LDB2: variants seen among roughly 807,000 people sequenced by gnomAD.
LDB2 encodes LIM domain-binding protein 2.
In LDB2, 12 loss-of-function variants were observed where a neutral mutation model predicts 44.3. The observed-to-expected ratio is 0.27, with a 90% CI of 0.17 to 0.44. The LOEUF (loss-of-function observed/expected upper bound fraction) is 0.44, where lower values mean the gene tolerates loss of function less well. Ranked by LOEUF, LDB2 falls within the 20% of genes least tolerant of loss-of-function variation. The pLI is 1.00. For synonymous variants in LDB2, 164 were observed against 174.8 expected (o/e 0.94, Z 0.49); for missense variants, 344 against 473.5 (o/e 0.73, Z 2.54).
rs114277256 is a variant in LDB2 at position 16,610,295 on chromosome 4, G to T, written c.236-14420C>A. Among the ~76,000 whole-genome samples the T allele has an allele frequency of 3.2e-3, 494 of 152,140 alleles. 7 individuals carry two copies. The highest frequency in any genetic ancestry group is 0.011 in the African/African-American group (477 of 41,488). ...AATGCTGAAAACCCAAAAGGCCAGAGTGCCTCGTCTCCTCCAAATGATCGC... is the reference window on the plus strand; with the variant it reads ...AATGCTGAAAACCCAAAAGGCCAGATTGCCTCGTCTCCTCCAAATGATCGC... On this transcript the variant is annotated intron_variant, in intron 2 of 7. Coordinates refer to ENST00000304523, the MANE Select transcript of LDB2 (RefSeq NM_001290.5).
chr4:16,729,443 C>T (rs185189238), intron 2 of LDB2, among the ~76,000 whole-genome samples: 159 of 152,024 alleles, frequency 1.0e-3, no homozygotes, highest in African/African-American at 3.5e-3. Context: ...CTTTGAATGG[C>T]AACTGAAAAG....
At chr4:16,889,843 T>C (rs1334248615) in intron 1 of LDB2, among the ~76,000 whole-genome samples, 3 of 152,126 alleles carry the variant, frequency 2.0e-5, no homozygotes, top group African/African-American at 7.2e-5. Context: ...AGGCATGTGA[T>C]AGAAAGTGAT....
chr4:16,561,181 C>T (rs974606308), intron 5 of LDB2, among the ~76,000 whole-genome samples: 1 of 152,046 alleles, frequency 6.6e-6, no homozygotes, highest in African/African-American at 2.4e-5. Flanking sequence ...CCTCTCTCAC[C>T]ACTCCTATTC....
At chr4:16,773,576 G>C (rs554690425) in intron 1 of LDB2, among the ~76,000 whole-genome samples, 3 of 152,280 alleles carry the variant, frequency 2.0e-5, no homozygotes, top group East Asian at 3.9e-4. Flanking sequence ...TCTGACAGGA[G>C]GTGCAGCTCA....
intron 1 of LDB2, among the ~76,000 whole-genome samples, chr4:16,851,977 T>G (rs959455513): frequency 6.6e-6 from 1 of 152,214 alleles, no homozygotes; most frequent in African/African-American, 2.4e-5. Context: ...ACTCTGTTAG[T>G]ATTACTTTTA....
At chr4:16,506,640 C>T (rs764130767) in intron 7 of LDB2, 8 of 152,384 alleles carry the variant, frequency 5.2e-5, no homozygotes, top group Non-Finnish European at 1.2e-4. Flanking sequence ...CAAACCCAGA[C>T]TAGACCTTAG....
chr4:16,775,753 C>T (rs1771749467), intron 1 of LDB2, among the ~76,000 whole-genome samples: 1 of 152,146 alleles, frequency 6.6e-6, no homozygotes, highest in Non-Finnish European at 1.5e-5. Context: ...AATGAGACTG[C>T]AAACTCCTCA....
rs1262059589 is a variant in LDB2 at position 16,616,146 on chromosome 4, T to C, written c.236-20271A>G. On this transcript the variant is annotated intron_variant, in intron 2 of 7. Coordinates refer to ENST00000304523, the MANE Select transcript of LDB2 (RefSeq NM_001290.5). ...TGTATCAACCATTCCCCCACAAGAA[T>C]ACAAGCTCCAGAAAGGGAAGAACCA... 2.6e-5 allele frequency among the ~76,000 whole-genome samples: 4 copies of C among 152,172 alleles called. No homozygotes were observed. In the East Asian group the frequency reaches 5.8e-4, roughly 22 times the overall value.
Position 16,502,788 on chromosome 4 carries a change from G to T in LDB2, c.977C>A (p.Thr326Lys). 6.2e-7 allele frequency: 1 copy of T among 1,614,058 alleles called. No homozygotes were observed. Among genetic ancestry groups the T allele is most frequent in the Non-Finnish European group, 8.5e-7 (1 of 1,179,988 alleles). The change falls in exon 8 of 8, where the codon ACG becomes AAG. Residue 326 changes from threonine to lysine, a missense_variant. Thr to Lys is a moderately conservative substitution (Grantham distance 78). This residue lies in a region of LDB2 where 86 missense variants were observed against 171.2 expected (regional missense o/e 0.50). Transcript: ENST00000304523. Reference protein sequence around the residue: ...DERLITRLENTQYDAANGMDD... With the variant: ...DERLITRLENKQYDAANGMDD... ...CATGCCGTTGGCCGCATCATATTGC[G>T]TGTTTTCTAATCTAGTGATTAGCCT...
intron 5 of LDB2, among the ~76,000 whole-genome samples, chr4:16,517,834 C>G (rs1274745565): frequency 6.6e-6 from 1 of 152,062 alleles, no homozygotes; most frequent in African/African-American, 2.4e-5. Flanking sequence ...AACACTGACC[C>G]TTTGGTATGA....
intron 5 of LDB2, among the ~76,000 whole-genome samples, chr4:16,580,226 G>A (rs1425693730): frequency 6.6e-6 from 1 of 152,166 alleles, no homozygotes; most frequent in Non-Finnish European, 1.5e-5. Flanking sequence ...ATGGAATGAG[G>A]CTGGGAGGCA....
At chr4:16,739,688 G>A (rs56146945) in intron 2 of LDB2, among the ~76,000 whole-genome samples, 3 of 57,202 alleles carry the variant, frequency 5.2e-5, no homozygotes, top group South Asian at 4.5e-4. Flanking sequence ...GTGTATATAT[G>A]TATATATACA....
intron 5 of LDB2, among the ~76,000 whole-genome samples, chr4:16,514,339 G>T (rs565384760): frequency 2.0e-5 from 3 of 152,204 alleles, no homozygotes; most frequent in Admixed American, 1.3e-4. Flanking sequence ...GTATCCCTAT[G>T]CCCTCACATA....
At chr4:16,853,230 G>A (rs1788632900) in intron 1 of LDB2, among the ~76,000 whole-genome samples, 1 of 152,128 alleles carries the variant, frequency 6.6e-6, no homozygotes, top group African/African-American at 2.4e-5. Flanking sequence ...TGCAAAGCAT[G>A]TATCTCATAA....
intron 1 of LDB2, among the ~76,000 whole-genome samples, chr4:16,895,417 T>C (rs1361417077): frequency 6.6e-6 from 1 of 152,176 alleles, no homozygotes; most frequent in Non-Finnish European, 1.5e-5. Flanking sequence ...AGGAGGTTTC[T>C]AGGAAATTTC....
In LDB2 at chr4:16,751,002, A is replaced by C. The variant is rs766618669; in HGVS notation, c.235+8156T>G. On this transcript the variant is annotated intron_variant, in intron 2 of 7. Transcript: ENST00000304523. ...TGGGGTAGTGTTGTTTCAGTTTGGA[A>C]ACCATAGGCAATATACTCCCTAAAA... The C allele has an allele frequency of 5.9e-5, 9 of 152,156 alleles. 1 individual carries two copies. The highest frequency in any genetic ancestry group is 1.0e-4 in the Non-Finnish European group (7 of 68,038). 9.4% of individuals were successfully genotyped at this position (152,156 alleles called of 1,614,324 possible).
chr4:16,874,063 T>TG (rs1175010461), intron 1 of LDB2, among the ~76,000 whole-genome samples: 1 of 152,142 alleles, frequency 6.6e-6, no homozygotes, highest in Non-Finnish European at 1.5e-5. Context: ...AACAGACATT[T>TG]GGGGTTACTT....
intron 2 of LDB2, among the ~76,000 whole-genome samples, chr4:16,758,156 G>A (rs973395689): frequency 2.6e-5 from 4 of 152,120 alleles, no homozygotes; most frequent in African/African-American, 9.7e-5. Flanking sequence ...TATGCAAATA[G>A]CACCAAGTTG....
chr4:16,699,708 C>T (rs565797617), intron 2 of LDB2, among the ~76,000 whole-genome samples: 2 of 151,980 alleles, frequency 1.3e-5, no homozygotes, highest in Admixed American at 1.3e-4. Context: ...AAGAAAATGC[C>T]AAAGATAGAT....
Sources: gnomAD v4.1 joint callset for allele counts (sites outside exome capture counted in the v4.1 genomes callset) on GRCh38, gnomAD v4.1.1 for gene constraint, gnomAD v4.1.1 regional missense constraint, MANE v1.5 for transcripts, NCBI Gene and HGNC (gene_info 2026-07-23, HGNC 2026-07-21) for gene names.